The following SUPT7L variants were observed in gnomAD, a reference collection of about 807,000 sequenced individuals.
SUPT7L encodes STAGA complex 65 subunit gamma.
Under a neutral mutation model 35.7 loss-of-function variants are expected in SUPT7L, and 15 were observed. The observed-to-expected ratio is 0.42, with a 90% CI of 0.28 to 0.65. SUPT7L has a LOEUF of 0.65. Among genes scored for constraint, SUPT7L ranks in the 30% least tolerant of loss-of-function variants. The pLI, the probability that SUPT7L is intolerant of heterozygous loss-of-function variation, is 0.23. For missense variants in SUPT7L, 434 were observed against 522.2 expected, an observed-to-expected ratio of 0.83 and a Z score of 1.65; for synonymous variants, 168 against 186.2, an observed-to-expected ratio of 0.90 and a Z score of 0.79.
Position 27,655,346 on chromosome 2 carries a change from G to A in SUPT7L, c.982+19C>T, listed in dbSNP as rs200791936. The A allele has an allele frequency of 6.6e-7, 1 of 1,517,544 alleles. No homozygotes were observed. The highest frequency in any genetic ancestry group is 8.8e-7 in the Non-Finnish European group (1 of 1,133,536). 94.0% of individuals were successfully genotyped at this position (1,517,544 alleles called of 1,614,324 possible). ...GGCAGATCTCCCAGAATCAAAGTGA[G>A]TAAGTTTATTTGTCTTACTTGAAGC... On this transcript the variant is annotated intron_variant, in intron 5 of 5. Coordinates refer to ENST00000337768, the MANE Select transcript of SUPT7L (RefSeq NM_014860.3).
chr2:27,661,109 C>T lies in SUPT7L; in HGVS notation c.294G>A (p.Glu98=). 1 of 1,614,162 alleles carries T rather than the reference C, an allele frequency of 6.2e-7. No individual in the cohort carries two copies. The highest frequency in any genetic ancestry group is 8.5e-7 in the Non-Finnish European group (1 of 1,180,036). Residue 98 remains glutamate, a synonymous_variant, in exon 3 of 6, where the codon GAG becomes GAA. Transcript: ENST00000337768. The part of the protein sequence containing the change: ...QQQTEGVKTE[E]SEPLPSCPGS... Reference sequence around the variant, plus strand: ...CAGGGCACGAGGGAAGAGGTTCACTCTCTTCAGTTTTTACACCTTCTGTCT... The same window carrying T: ...CAGGGCACGAGGGAAGAGGTTCACTTTCTTCAGTTTTTACACCTTCTGTCT...
At chr2:27,645,701 TTTTAA>T in the SUPT7L span, among the ~76,000 whole-genome samples, 1 of 151,422 alleles carries the variant, frequency 6.6e-6, no homozygotes, top group Non-Finnish European at 1.5e-5. Flanking sequence ...GCCTGTTTCT[TTTTAA>T]TTTTTTTTTT....
rs934718857 is a variant in SUPT7L, at chr2:27,651,663, T to A, written c.*1822A>T. ...ATCTTCCTTACAGAATAACTTGTCT[T>A]CCTTATGCTTCAAGCTCCAAAAGGG... On this transcript the variant is annotated 3_prime_UTR_variant, in exon 6 of 6. Coordinates refer to ENST00000337768, the MANE Select transcript of SUPT7L (RefSeq NM_014860.3). 2.0e-5 allele frequency: 3 copies of A among 152,250 alleles called. No homozygotes were observed. Among genetic ancestry groups the A allele is most frequent in the African/African-American group, 7.2e-5 (3 of 41,468 alleles). The allele number at this position is 152,250 out of a possible 1,614,324, so 9.4% of individuals were successfully genotyped here.
At chr2:27,650,439 G>C (rs1674471924), downstream of SUPT7L, 12 of 306,550 alleles carry the variant, frequency 3.9e-5, no homozygotes, top group South Asian at 5.9e-4. Context: ...ATGCAAGGAA[G>C]GATATACTGA....
At chr2:27,643,189 TA>T in the SUPT7L span, among the ~76,000 whole-genome samples, 1 of 150,516 alleles carries the variant, frequency 6.6e-6, no homozygotes, top group African/African-American at 2.4e-5. The surrounding 1 kb of genome is among the most constrained non-coding windows in gnomAD (Gnocchi z 4.0). Context: ...TTTTTATAAT[TA>T]AAAAAAATTT....
At chr2:27,642,630 C>G in the SUPT7L span, 1 of 663,812 alleles carries the variant, frequency 1.5e-6, no homozygotes, top group Non-Finnish European at 2.7e-6. Flanking sequence ...AGGCTGGAGT[C>G]TCGGCTCACC....
At chr2:27,658,884 A>G (rs1674920161) in intron 3 of SUPT7L, among the ~76,000 whole-genome samples, 1 of 152,248 alleles carries the variant, frequency 6.6e-6, no homozygotes, top group Non-Finnish European at 1.5e-5. Context: ...CTTTCAAAGG[A>G]AAGTAATTTT....
chr2:27,646,383 C>T (rs926543638), downstream of SUPT7L, among the ~76,000 whole-genome samples: 3 of 152,194 alleles, frequency 2.0e-5, no homozygotes, highest in Admixed American at 6.5e-5. Flanking sequence ...TTCTTCATTA[C>T]TGTTGAAAAT....
At position 27,653,188 on chromosome 2, in the gene SUPT7L, T is replaced by C. The variant is rs532366499; in HGVS notation, c.*297A>G. The stretch of plus-strand genomic sequence containing the variant: ...TTCTCAGTTGTACAAGATAAATGGC[T>C]GTATAACATGTCTAGTCATAGTTAA... On this transcript the variant is annotated 3_prime_UTR_variant, in exon 6 of 6. Coordinates refer to ENST00000337768, the MANE Select transcript of SUPT7L (RefSeq NM_014860.3). 30 of 395,962 alleles carry C rather than the reference T, an allele frequency of 7.6e-5. No homozygotes were observed. Among genetic ancestry groups the C allele is most frequent in the African/African-American group, 6.1e-4 (30 of 49,334 alleles). The allele number at this position is 395,962 out of a possible 1,614,324, so 24.5% of individuals were successfully genotyped here.
chr2:27,655,504 G>A lies in SUPT7L; in HGVS notation c.843C>T (p.Ser281=), dbSNP rs369982069. 15 of 1,614,010 alleles carry A rather than the reference G, an allele frequency of 9.3e-6. No homozygotes were observed. Among genetic ancestry groups the A allele is most frequent in the Admixed American group, 3.3e-5 (2 of 59,994 alleles). ...KPVKIKEEPV[S]DITFPVSEEL... ...CCTCACTGACAGGAAAAGTGATGTC[G>A]CTCACAGGTTCCTCCTTGATCTTCA... Residue 281 remains serine, a synonymous_variant, in exon 5 of 6, where the codon AGC becomes AGT. Transcript: ENST00000337768.
rs769107309 is a variant in SUPT7L, at chr2:27,653,479, T to A, written c.*6A>T. On this transcript the variant is annotated 3_prime_UTR_variant, in exon 6 of 6. Coordinates refer to ENST00000337768, the MANE Select transcript of SUPT7L (RefSeq NM_014860.3). ...GGTCTGGACAAAACATCTCCCTCTT[T>A]TCCTTTTATATTTTCCTCATCCTCT... The A allele has an allele frequency of 6.2e-7, 1 of 1,611,996 alleles. No individual in the cohort carries two copies. Among genetic ancestry groups the A allele is most frequent in the East Asian group, 2.2e-5 (1 of 44,850 alleles).
At chr2:27,655,075 G>C (rs1257779186) in intron 5 of SUPT7L, among the ~76,000 whole-genome samples, 1 of 152,210 alleles carries the variant, frequency 6.6e-6, no homozygotes, top group Non-Finnish European at 1.5e-5. Flanking sequence ...CAACCAGCTG[G>C]ATCAGCTGAA....
rs764831422 is a variant in SUPT7L, at chr2:27,655,382, G to A, written c.965C>T (p.Ala322Val). ...ERFPSNLEVE[A>V]SPQASSAEVN... ...TGTCTTACTTGAAGCCTGTGGTGAAGCTTCAACCTCCAGGTTAGATGGGAA... is the reference window on the plus strand; with the variant it reads ...TGTCTTACTTGAAGCCTGTGGTGAAACTTCAACCTCCAGGTTAGATGGGAA... Residue 322 changes from alanine to valine, a missense_variant, in exon 5 of 6, where the codon GCT becomes GTT. This residue lies in a region of SUPT7L where 159 missense variants were observed against 217.1 expected (regional missense o/e 0.73). Coordinates refer to ENST00000337768, the MANE Select transcript of SUPT7L (RefSeq NM_014860.3). 12 of 1,573,070 alleles carry A rather than the reference G, an allele frequency of 7.6e-6. No individual in the cohort carries two copies. Among genetic ancestry groups the A allele is most frequent in the Middle Eastern group, 1.7e-4 (1 of 5,880 alleles).
At chr2:27,645,723 C>G in the SUPT7L span, among the ~76,000 whole-genome samples, 1 of 151,118 alleles carries the variant, frequency 6.6e-6, no homozygotes, top group Non-Finnish European at 1.5e-5. Flanking sequence ...TTTTTTAAAA[C>G]AAATCATCTT....
At position 27,653,409 on chromosome 2, in the gene SUPT7L, A is replaced by G. The variant is rs1171375182; in HGVS notation, c.*76T>C. 2 of 1,522,126 alleles carry G rather than the reference A, an allele frequency of 1.3e-6. No homozygotes were observed. Among genetic ancestry groups the G allele is most frequent in the African/African-American group, 1.4e-5 (1 of 72,110 alleles). 94.3% of individuals were successfully genotyped at this position (1,522,126 alleles called of 1,614,324 possible). On this transcript the variant is annotated 3_prime_UTR_variant, in exon 6 of 6. Transcript: ENST00000337768. ...AGAACAGGAGTCAAATCAATTTTTA[A>G]GGAAACAGATTCTAATACAAAAACC...
Position 27,653,376 on chromosome 2 carries a change from T to C in SUPT7L, c.*109A>G. On this transcript the variant is annotated 3_prime_UTR_variant, in exon 6 of 6. Coordinates refer to ENST00000337768, the MANE Select transcript of SUPT7L (RefSeq NM_014860.3). Reference sequence around the variant, plus strand: ...TCCTCTGGAATTAGGAAAAACCACTTGTGTTTAAGAACAGGAGTCAAATCA... The same window carrying C: ...TCCTCTGGAATTAGGAAAAACCACTCGTGTTTAAGAACAGGAGTCAAATCA... 1 of 1,456,050 alleles carries C rather than the reference T, an allele frequency of 6.9e-7. No homozygotes were observed. The highest frequency in any genetic ancestry group is 9.1e-7 in the Non-Finnish European group (1 of 1,093,090). 90.2% of individuals were successfully genotyped at this position (1,456,050 alleles called of 1,614,324 possible). A position where few individuals can be genotyped will look rare whatever the true frequency, so the allele number is the denominator to read the frequency against.
chr2:27,661,503 T>C lies in SUPT7L; in HGVS notation c.15-115A>G, dbSNP rs1675110048. On this transcript the variant is annotated intron_variant, in intron 2 of 5. Coordinates refer to ENST00000337768, the MANE Select transcript of SUPT7L (RefSeq NM_014860.3). ...GATTATAGGCTTCTGTAGTGAAAAA[T>C]ACGAGGTCTAGCCAGTTATTTATGT... 10 of 1,514,244 alleles carry C rather than the reference T, an allele frequency of 6.6e-6. No homozygotes were observed. The Admixed American group carries it at 6.7e-5, about 10-fold the overall frequency. The allele number at this position is 1,514,244 out of a possible 1,614,324, so 93.8% of individuals were successfully genotyped here. A position where few individuals can be genotyped will look rare whatever the true frequency, so the allele number is the denominator to read the frequency against.
At chr2:27,648,542 T>G (rs1048295502), downstream of SUPT7L, among the ~76,000 whole-genome samples, 3 of 152,090 alleles carry the variant, frequency 2.0e-5, no homozygotes, top group Admixed American at 6.5e-5. Context: ...AAATAATACA[T>G]AAGGTTATAT....
Position 27,657,464 on chromosome 2 carries a change from GT to G in SUPT7L, c.624del (p.Gln209ArgfsTer7). 1 of 1,614,260 alleles carries G rather than the reference GT, an allele frequency of 6.2e-7. No individual in the cohort carries two copies. The highest frequency in any genetic ancestry group is 1.1e-5 in the South Asian group (1 of 91,084). On this transcript the variant is annotated frameshift_variant, in exon 4 of 6. Coordinates refer to ENST00000337768, the MANE Select transcript of SUPT7L (RefSeq NM_014860.3). LOFTEE classifies it high-confidence loss of function. This position sits in a 1 kb window ranked among gnomAD's most constrained non-coding sequence, Gnocchi z 5.2. ...TCCATCACATCAGGAAAAGGAGTCT[GT>G]CCCAGCCGGGCCTCCCGGTCCACAG... ...RFAVDREARL[G>X]QTPFPDVMEQ...
Sources: allele counts gnomAD v4.1 joint callset (sites outside exome capture counted in the v4.1 genomes callset), GRCh38; gene constraint gnomAD v4.1.1; regional missense constraint gnomAD v4.1.1; non-coding constraint Gnocchi (gnomAD v3.1); transcripts MANE v1.5; gene names NCBI Gene and HGNC (gene_info 2026-07-23, HGNC 2026-07-21).